Variants in JAKMIP3 observed in about 807,000 individuals in gnomAD.
JAKMIP3 encodes Janus kinase and microtubule interacting protein 3, also known as janus kinase and microtubule-interacting protein 3.
In JAKMIP3, 58 loss-of-function variants were observed where a neutral mutation model predicts 118.5. That is an observed-to-expected ratio of 0.49 (90% CI 0.40 to 0.61). JAKMIP3 has a LOEUF of 0.61. JAKMIP3 is among the 20% of genes least tolerant of loss of function. JAKMIP3 has a pLI of 0.00. For missense variants in JAKMIP3, 950 were observed against 1,109.0 expected, an observed-to-expected ratio of 0.86 and a Z score of 2.04; for synonymous variants, 486 against 451.2, an observed-to-expected ratio of 1.08 and a Z score of -0.98.
intron 1 of JAKMIP3, among the ~76,000 whole-genome samples, chr10:132,036,827 CGGCCGTGGGGCGGGCGGGG>C (rs928950522): frequency 6.6e-6 from 1 of 151,564 alleles, no homozygotes; most frequent in Non-Finnish European, 1.5e-5. Flanking sequence ...GGCGCCCTGG[CGGCCGTGGGGCGGGCGGGG>C]GGCGACGTCC....
rs2061630700 is a variant in JAKMIP3 at position 132,183,400 on chromosome 10, A to T, written c.*2147A>T. On this transcript the variant is annotated 3_prime_UTR_variant, in exon 24 of 24. Coordinates refer to ENST00000684848, the MANE Select transcript of JAKMIP3 (RefSeq NM_001323087.2). ...GTGAAACTCACATTCCCAGATTCAC[A>T]TCCCTCATGTTTATTTGGGTCATCA... 1 of 152,244 alleles carries T rather than the reference A, an allele frequency of 6.6e-6. No individual in the cohort carries two copies. Among genetic ancestry groups the T allele is most frequent in the Non-Finnish European group, 1.5e-5 (1 of 68,046 alleles). 9.4% of individuals were successfully genotyped at this position (152,244 alleles called of 1,614,324 possible).
intron 1 of JAKMIP3, among the ~76,000 whole-genome samples, chr10:132,096,515 A>G (rs1007376762): frequency 2.6e-5 from 4 of 152,238 alleles, no homozygotes; most frequent in African/African-American, 9.6e-5. Flanking sequence ...CTTCCACCCC[A>G]GGAAGTGCAC....
intron 2 of JAKMIP3, among the ~76,000 whole-genome samples, chr10:132,111,956 G>A (rs536351690): frequency 7.9e-5 from 12 of 152,122 alleles, no homozygotes; most frequent in Admixed American, 7.2e-4. Flanking sequence ...GGCAGGCAGG[G>A]GTAGAATCTG....
chr10:132,156,900 A>G (rs2136291240), intron 19 of JAKMIP3, among the ~76,000 whole-genome samples: 1 of 152,316 alleles, frequency 6.6e-6, no homozygotes, highest in Non-Finnish European at 1.5e-5. Context: ...ATGAAAGAAT[A>G]ATCAATGTAT....
rs753884696 is a variant in JAKMIP3, at chr10:132,135,891, G to A, written c.970-39G>A. ...CTGCGTGGAGACCTGCTGGTTCTCC[G>A]TCACTTAAAGAACAATCACATAGTG... On this transcript the variant is annotated intron_variant, in intron 5 of 23. Coordinates refer to ENST00000684848, the MANE Select transcript of JAKMIP3 (RefSeq NM_001323087.2). The A allele has an allele frequency of 6.9e-6, 11 of 1,588,224 alleles. No homozygotes were observed. In the East Asian group the frequency reaches 1.1e-4, roughly 16 times the overall value.
intron 3 of JAKMIP3, among the ~76,000 whole-genome samples, chr10:132,125,227 G>A (rs375625534): frequency 2.6e-5 from 4 of 152,098 alleles, no homozygotes; most frequent in South Asian, 2.1e-4. Flanking sequence ...TCTATAATTC[G>A]TCCGAGTTCG....
intron 2 of JAKMIP3, among the ~76,000 whole-genome samples, chr10:132,113,541 C>T (rs1487551677): frequency 6.6e-6 from 1 of 152,214 alleles, no homozygotes; most frequent in East Asian, 1.9e-4. Context: ...AGCAGACTGC[C>T]CTGCAGCCAT....
chr10:132,041,820 G>A (rs914905297), intron 1 of JAKMIP3, among the ~76,000 whole-genome samples: 2 of 151,974 alleles, frequency 1.3e-5, no homozygotes, highest in Non-Finnish European at 2.9e-5. Flanking sequence ...ATGGCTGCTT[G>A]TGTTTCTTTT....
chr10:132,134,765 C>A (rs2051382684), intron 4 of JAKMIP3, among the ~76,000 whole-genome samples: 1 of 152,344 alleles, frequency 6.6e-6, no homozygotes, highest in East Asian at 1.9e-4. Context: ...CATGTCTGCT[C>A]CTTTTCATTA....
intron 1 of JAKMIP3, among the ~76,000 whole-genome samples, chr10:132,051,653 T>A (rs1370188530): frequency 6.6e-6 from 1 of 152,120 alleles, no homozygotes; most frequent in East Asian, 1.9e-4. Context: ...CAGGCTGGAG[T>A]GCAATGGCAC....
At chr10:132,138,083 TAC>T in intron 8 of JAKMIP3, 34 bp from the exon 9 acceptor site, 2 of 1,593,046 alleles carry the variant, frequency 1.3e-6, no homozygotes, top group Non-Finnish European at 1.7e-6. Context: ...GGAGCTGCTC[TAC>T]CACTTACACA....
intron 16 of JAKMIP3, among the ~76,000 whole-genome samples, chr10:132,150,523 G>A (rs145580582): frequency 4.6e-5 from 7 of 152,112 alleles, no homozygotes; most frequent in South Asian, 2.1e-4. Flanking sequence ...ATTTTCATCC[G>A]CCCATTACTA....
intron 1 of JAKMIP3, among the ~76,000 whole-genome samples, chr10:132,102,877 G>C (rs879809): frequency 6.6e-5 from 10 of 152,032 alleles, no homozygotes; most frequent in African/African-American, 1.7e-4. Flanking sequence ...CAGGAGTAGG[G>C]GGGGAGGGCT....
chr10:132,149,302 T>G, intron 14 of JAKMIP3, 110 bp from the exon 15 acceptor site: 1 of 707,376 alleles, frequency 1.4e-6, no homozygotes, highest in Non-Finnish European at 2.4e-6. Context: ...AAATGCTGTG[T>G]TGATCCCTGG....
chr10:132,153,633 C>T (rs1332439700), intron 17 of JAKMIP3, 126 bp from the exon 18 acceptor site: 5 of 904,254 alleles, frequency 5.5e-6, no homozygotes, highest in South Asian at 1.4e-5. Context: ...GAGGGCTGTG[C>T]TCTCCCCTCC....
intron 23 of JAKMIP3, among the ~76,000 whole-genome samples, chr10:132,180,748 C>CGTGTGTGTGCGTGTGCGTGTGTGT (rs1389047093): frequency 1.2e-4 from 1 of 8,328 alleles, no homozygotes; most frequent in Non-Finnish European, 1.9e-4. Context: ...CGTGCGTGCG[C>CGTGTGTGTGCGTGTGCGTGTGTGT]GCGCGTGTGT....
intron 2 of JAKMIP3, among the ~76,000 whole-genome samples, chr10:132,107,497 C>T (rs566911285): frequency 2.6e-5 from 4 of 152,320 alleles, no homozygotes; most frequent in African/African-American, 9.6e-5. Context: ...CTTGGCACAA[C>T]GTGCAGAAGG....
At chr10:132,050,303 C>T (rs555318286) in intron 1 of JAKMIP3, among the ~76,000 whole-genome samples, 66 of 152,310 alleles carry the variant, frequency 4.3e-4, no homozygotes, top group African/African-American at 7.9e-4. Flanking sequence ...GGCTTCTTTC[C>T]GGCAGTGACA....
chr10:132,174,738 T>C (rs1250368213), intron 23 of JAKMIP3, among the ~76,000 whole-genome samples: 1 of 152,184 alleles, frequency 6.6e-6, no homozygotes, highest in East Asian at 1.9e-4. Flanking sequence ...GCTGGGAGGA[T>C]TTCCGTTGCC....
Sources: allele counts gnomAD v4.1 joint callset (sites outside exome capture counted in the v4.1 genomes callset), GRCh38; gene constraint gnomAD v4.1.1; transcripts MANE v1.5; gene names NCBI Gene and HGNC (gene_info 2026-07-23, HGNC 2026-07-21).